The following IFT80 variants were observed in gnomAD, a reference collection of about 807,000 sequenced individuals.
The protein encoded by IFT80 is intraflagellar transport 80, also known as intraflagellar transport protein 80 homolog.
In IFT80, 79 loss-of-function variants were observed where a neutral mutation model predicts 107.9. The ratio of observed to expected loss-of-function variants is 0.73; its 90% CI spans 0.61 to 0.88. The LOEUF is 0.88. IFT80 is among the 40% of genes least tolerant of loss of function. The probability of loss-of-function intolerance (pLI) is 0.00; values close to 1 mark genes in which losing one functional copy is unlikely to be tolerated. For missense variants in IFT80, 797 were observed against 914.2 expected (o/e 0.87, Z 1.65); for synonymous variants, 299 against 300.9 (o/e 0.99, Z 0.07).
rs1021768686 is a variant in IFT80, at chr3:160,261,383, T to A, written c.2224-2748A>T. ...TCACCAGTGAACAAAAAGATAGAAA[T>A]CACTGTCTTCATAGAGAGATAATAA... On this transcript the variant is annotated intron_variant, in intron 19 of 19. Transcript: ENST00000326448. 2.0e-5 allele frequency among the ~76,000 whole-genome samples: 3 copies of A among 151,140 alleles called. No individual in the cohort carries two copies. In the Admixed American group the frequency reaches 2.0e-4, roughly 10 times the overall value.
chr3:160,310,272 C>T lies in IFT80; in HGVS notation c.958-2491G>A, dbSNP rs569147190. 1.1e-4 allele frequency among the ~76,000 whole-genome samples: 16 copies of T among 152,252 alleles called. No homozygotes were observed. In the South Asian group the frequency reaches 3.3e-3, roughly 32 times the overall value. On this transcript the variant is annotated intron_variant, in intron 9 of 19. Transcript: ENST00000326448. ...GAAATCAGTCAAAAGAACATAGGAG[C>T]CAACTGGCCAAAGATGAGACAATTT...
At chr3:160,337,774 G>A (rs1350616621) in intron 8 of IFT80, among the ~76,000 whole-genome samples, 1 of 152,094 alleles carries the variant, frequency 6.6e-6, no homozygotes, top group Non-Finnish European at 1.5e-5. Context: ...AAGTGACTTG[G>A]TCTTTTCTTT....
At chr3:160,327,210 T>C (rs944121706) in intron 8 of IFT80, among the ~76,000 whole-genome samples, 23 of 152,248 alleles carry the variant, frequency 1.5e-4, no homozygotes, top group Admixed American at 6.5e-5. Context: ...TCCATGCTCA[T>C]GGATAGGAAG....
intron 9 of IFT80, among the ~76,000 whole-genome samples, chr3:160,317,757 G>A (rs1717922644): frequency 6.6e-6 from 1 of 152,030 alleles, no homozygotes; most frequent in Admixed American, 6.6e-5. Flanking sequence ...AGTCCAGACT[G>A]AGAAACTCTA....
chr3:160,302,463 T>C (rs1559927940), intron 11 of IFT80, among the ~76,000 whole-genome samples: 2 of 152,086 alleles, frequency 1.3e-5, no homozygotes, highest in African/African-American at 4.8e-5. Context: ...TAAAAGCATT[T>C]TATTTTCCAA....
At chr3:160,376,397 A>T (rs1411725801) in intron 4 of IFT80, among the ~76,000 whole-genome samples, 1 of 152,206 alleles carries the variant, frequency 6.6e-6, no homozygotes, top group Admixed American at 6.5e-5. Context: ...TTTCTTCTTA[A>T]TTTTTAAGAT....
chr3:160,280,575 C>T, intron 15 of IFT80, 92 bp downstream of exon 15: 1 of 1,075,680 alleles, frequency 9.3e-7, no homozygotes, highest in Non-Finnish European at 1.4e-6. Flanking sequence ...ATGTGTAAAA[C>T]ACCTTGCAGG....
At chr3:160,286,711 A>T (rs1251330988) in intron 12 of IFT80, among the ~76,000 whole-genome samples, 1 of 152,194 alleles carries the variant, frequency 6.6e-6, no homozygotes, top group African/African-American at 2.4e-5. Context: ...CTAAGCCCCA[A>T]CAATAGACCA....
intron 5 of IFT80, among the ~76,000 whole-genome samples, chr3:160,373,189 T>C (rs62272196): frequency 0.046 from 6,931 of 152,052 alleles, 226 homozygotes; most frequent in Middle Eastern, 0.078. Flanking sequence ...ATTACAGGAG[T>C]GAGCCACGAT....
At chr3:160,271,518 C>G (rs1343264898) in intron 18 of IFT80, among the ~76,000 whole-genome samples, 1 of 152,044 alleles carries the variant, frequency 6.6e-6, no homozygotes, top group Non-Finnish European at 1.5e-5. Flanking sequence ...TTTTTGAGAA[C>G]AGACTACTAC....
intron 2 of IFT80, chr3:160,383,680 G>C (rs1712699743): frequency 1.0e-6 from 1 of 985,170 alleles, no homozygotes; most frequent in Non-Finnish European, 1.2e-6. Flanking sequence ...AGGATACTTT[G>C]AGCAGAATTA....
intron 8 of IFT80, among the ~76,000 whole-genome samples, chr3:160,327,068 A>G (rs1216496761): frequency 6.6e-6 from 1 of 152,126 alleles, no homozygotes; most frequent in Admixed American, 6.6e-5. Context: ...ATGAACTCCC[A>G]TTCACAACTG....
chr3:160,346,807 C>T (rs758364362), intron 8 of IFT80, among the ~76,000 whole-genome samples: 5 of 152,068 alleles, frequency 3.3e-5, no homozygotes, highest in Non-Finnish European at 7.4e-5. Context: ...TAATACACGG[C>T]CAGACCACCT....
chr3:160,383,945 T>TA lies in IFT80; in HGVS notation c.37+618dup, dbSNP rs1028129736. On this transcript the variant is annotated intron_variant, in intron 2 of 19. Transcript: ENST00000326448. Reference sequence around the variant, plus strand: ...ACACTAGCAAAGAAACAGTTTGGTTTAAAAAATGCTTCATTTTGGCCAGGC... The same window carrying TA: ...ACACTAGCAAAGAAACAGTTTGGTTTAAAAAAATGCTTCATTTTGGCCAGGC... 1.7e-5 allele frequency: 17 copies of TA among 985,262 alleles called. No homozygotes were observed. The African/African-American group carries it at 3.0e-4, about 17-fold the overall frequency. 61.0% of individuals were successfully genotyped at this position (985,262 alleles called of 1,614,324 possible).
rs190795034 is a variant in IFT80, at chr3:160,312,877, A to G, written c.958-5096T>C. Among the ~76,000 whole-genome samples, 192 of 20,702 alleles carry G rather than the reference A, an allele frequency of 9.3e-3. 2 individuals carry two copies. The highest frequency in any genetic ancestry group is 0.045 in the Middle Eastern group (1 of 22). 13.6% of individuals were successfully genotyped at this position (20,702 alleles called of 152,430 possible). ...TATAAATATATAATATATAATAAAT[A>G]TATATTATATATAAATATATAATAT... On this transcript the variant is annotated intron_variant, in intron 9 of 19. Coordinates refer to ENST00000326448, the MANE Select transcript of IFT80 (RefSeq NM_020800.3).
intron 12 of IFT80, among the ~76,000 whole-genome samples, chr3:160,289,401 T>C (rs952458625): frequency 6.6e-6 from 1 of 152,160 alleles, no homozygotes; most frequent in Admixed American, 6.6e-5. Flanking sequence ...CAAACCCCTA[T>C]GACACAAGTT....
At chr3:160,300,852 T>A (rs754395758) in intron 12 of IFT80, 31 bp downstream of exon 12, 2 of 1,547,326 alleles carry the variant, frequency 1.3e-6, no homozygotes, top group Admixed American at 3.7e-5. Context: ...AATTTCATAT[T>A]TGACAGGAAA....
chr3:160,398,592 T>A (rs1714062864), intron 1 of IFT80, among the ~76,000 whole-genome samples: 1 of 152,168 alleles, frequency 6.6e-6, no homozygotes, highest in South Asian at 2.1e-4. Flanking sequence ...GTATACAATG[T>A]CAGGCGAGTT....
At chr3:160,365,402 T>G (rs1000913757) in intron 6 of IFT80, among the ~76,000 whole-genome samples, 6 of 152,140 alleles carry the variant, frequency 3.9e-5, no homozygotes, top group African/African-American at 1.4e-4. Flanking sequence ...TCTACTCAAC[T>G]GTGAAAACAC....
Sources: gnomAD v4.1 joint callset for allele counts (sites outside exome capture counted in the v4.1 genomes callset) on GRCh38, gnomAD v4.1.1 for gene constraint, MANE v1.5 for transcripts, NCBI Gene and HGNC (gene_info 2026-07-23, HGNC 2026-07-21) for gene names.